ROBO2: variants seen among roughly 807,000 people sequenced by gnomAD.
ROBO2 encodes the protein roundabout guidance receptor 2.
A neutral mutation model predicts 160.8 loss-of-function variants in ROBO2; 53 were observed. That is an observed-to-expected ratio of 0.33 (90% CI 0.26 to 0.41). The LOEUF (loss-of-function observed/expected upper bound fraction) is 0.41, where lower values mean the gene tolerates loss of function less well. Ranked by LOEUF, ROBO2 falls within the 10% of genes least tolerant of loss-of-function variation. ROBO2 has a pLI of 1.00. For missense variants in ROBO2, 1,577 were observed against 1,722.4 expected (o/e 0.92, Z 1.49); for synonymous variants, 664 against 611.7 (o/e 1.09, Z -1.26).
chr3:77,163,975 A>G (rs1415827065), intron 2 of ROBO2, among the ~76,000 whole-genome samples: 1 of 152,232 alleles, frequency 6.6e-6, no homozygotes, highest in East Asian at 1.9e-4. Flanking sequence ...GTTTGAATCA[A>G]CTACATATTT....
At chr3:77,257,716 T>A (rs1319481779) in intron 2 of ROBO2, among the ~76,000 whole-genome samples, 1 of 152,232 alleles carries the variant, frequency 6.6e-6, no homozygotes. Context: ...TCTCATTATT[T>A]GTTCAGAATT....
At chr3:77,334,047 C>A (rs2066242497) in intron 2 of ROBO2, among the ~76,000 whole-genome samples, 3 of 152,098 alleles carry the variant, frequency 2.0e-5, no homozygotes, top group African/African-American at 7.2e-5. Flanking sequence ...CACAACTATA[C>A]CTTTGAGTAA....
chr3:77,440,158 A>G (rs1472366931), intron 2 of ROBO2, among the ~76,000 whole-genome samples: 1 of 152,188 alleles, frequency 6.6e-6, no homozygotes, highest in Non-Finnish European at 1.5e-5. Flanking sequence ...ATGGTTTAGT[A>G]AGATGACCAT....
intron 2 of ROBO2, among the ~76,000 whole-genome samples, chr3:77,173,735 T>A (rs773014697): frequency 1.3e-5 from 2 of 152,150 alleles, no homozygotes; most frequent in Non-Finnish European, 2.9e-5. Context: ...CTTGTTCTCA[T>A]GTCTAATCAG....
At chr3:76,434,818 A>G (rs2076595039) in intron 2 of ROBO2, 5 of 1,523,258 alleles carry the variant, frequency 3.3e-6, no homozygotes, top group South Asian at 1.1e-5. Context: ...GCCCTGAATC[A>G]TGTATCTGAT....
At chr3:76,908,303 A>T (rs1224296712) in intron 2 of ROBO2, among the ~76,000 whole-genome samples, 3 of 152,202 alleles carry the variant, frequency 2.0e-5, no homozygotes, top group Non-Finnish European at 4.4e-5. Flanking sequence ...CAGCACTAAA[A>T]ATTTAATGTG....
intron 2 of ROBO2, among the ~76,000 whole-genome samples, chr3:76,912,584 G>A (rs2076058589): frequency 6.6e-6 from 1 of 151,988 alleles, no homozygotes; most frequent in Non-Finnish European, 1.5e-5. Flanking sequence ...ATTTTTAATC[G>A]ATAACAGCCA....
rs114004215 is a variant in ROBO2 at position 77,486,667 on chromosome 3, C to A, written c.667+5448C>A. On this transcript the variant is annotated intron_variant, in intron 4 of 25. Coordinates refer to ENST00000461745, the Ensembl canonical transcript of ROBO2. ...TTCCTTGTACATCTGGATATTAGAC[C>A]TTTGTCAGATGCTTAGATTGCAAAT... Among the ~76,000 whole-genome samples the A allele has an allele frequency of 6.1e-3, 929 of 152,174 alleles. 5 individuals are homozygous for A. Among genetic ancestry groups the A allele is most frequent in the Non-Finnish European group, 8.5e-3 (576 of 67,996 alleles).
chr3:77,019,998 A>T (rs1217436923), intron 2 of ROBO2, among the ~76,000 whole-genome samples: 1 of 152,196 alleles, frequency 6.6e-6, no homozygotes, highest in African/African-American at 2.4e-5. Flanking sequence ...CATGAAGTTT[A>T]ATTGAGACAC....
intron 1 of ROBO2, among the ~76,000 whole-genome samples, chr3:77,055,312 G>A (rs2065630955): frequency 6.6e-6 from 1 of 152,042 alleles, no homozygotes; most frequent in African/African-American, 2.4e-5. Context: ...CATTCTACTG[G>A]TCTAGTGATT....
chr3:77,211,349 G>A (rs1175002597), intron 2 of ROBO2, among the ~76,000 whole-genome samples: 8 of 152,156 alleles, frequency 5.3e-5, no homozygotes, highest in African/African-American at 9.7e-5. Context: ...GTGATGATGA[G>A]CATTTTTTCA....
intron 2 of ROBO2, among the ~76,000 whole-genome samples, chr3:76,316,238 A>C (rs2072012519): frequency 1.3e-5 from 2 of 152,140 alleles, no homozygotes; most frequent in South Asian, 4.1e-4. Context: ...AGTAAGCCTG[A>C]GGGTACTGCA....
chr3:76,871,961 A>T (rs1216806256), intron 2 of ROBO2, among the ~76,000 whole-genome samples: 2 of 152,214 alleles, frequency 1.3e-5, no homozygotes, highest in Admixed American at 6.5e-5. Flanking sequence ...CACATTTTTT[A>T]AAATTTTCTT....
At chr3:76,488,463 G>C (rs2079620321) in intron 2 of ROBO2, among the ~76,000 whole-genome samples, 1 of 152,014 alleles carries the variant, frequency 6.6e-6, no homozygotes. Flanking sequence ...GAGAAGACCT[G>C]CCGTTGCCTG....
At position 77,193,339 on chromosome 3, in the gene ROBO2, G is replaced by A. The variant is rs143429256; in HGVS notation, c.388+94999G>A. Reference sequence around the variant, plus strand: ...TGTCCAGACCAGGTTGTAGTGCAGTGGCTCTATCATAGCTCACTGCAGCTT... The same window carrying A: ...TGTCCAGACCAGGTTGTAGTGCAGTAGCTCTATCATAGCTCACTGCAGCTT... On this transcript the variant is annotated intron_variant, in intron 2 of 25. Coordinates refer to ENST00000461745, the Ensembl canonical transcript of ROBO2. 3.7e-4 allele frequency among the ~76,000 whole-genome samples: 56 copies of A among 151,976 alleles called. No individual in the cohort carries two copies. The East Asian group carries it at 0.01, about 28-fold the overall frequency.
chr3:77,637,608 C>T (rs566223867), intron 24 of ROBO2, among the ~76,000 whole-genome samples: 29 of 151,996 alleles, frequency 1.9e-4, no homozygotes, highest in Non-Finnish European at 5.9e-5. Flanking sequence ...TCTAATTCTT[C>T]GTAAATAAAA....
intron 13 of ROBO2, 34 bp downstream of exon 14, chr3:77,568,468 C>G: frequency 6.2e-7 from 1 of 1,611,692 alleles, no homozygotes; most frequent in Non-Finnish European, 8.5e-7. Flanking sequence ...ATAGTAATCT[C>G]TTCTCTTTCG....
At chr3:76,959,636 G>C (rs1435516259) in intron 2 of ROBO2, among the ~76,000 whole-genome samples, 1 of 152,032 alleles carries the variant, frequency 6.6e-6, no homozygotes, top group Non-Finnish European at 1.5e-5. Context: ...TTAATGATAC[G>C]AGTGCATCCC....
At chr3:76,247,741 C>T (rs1480680625) in intron 2 of ROBO2, among the ~76,000 whole-genome samples, 1 of 151,996 alleles carries the variant, frequency 6.6e-6, no homozygotes, top group East Asian at 1.9e-4. Flanking sequence ...TCGCAACCTA[C>T]TCATCTGACA....
Sources: gnomAD v4.1 joint callset for allele counts (sites outside exome capture counted in the v4.1 genomes callset) on GRCh38, gnomAD v4.1.1 for gene constraint, MANE v1.5 for transcripts, NCBI Gene and HGNC (gene_info 2026-07-23, HGNC 2026-07-21) for gene names.